The following TNS3 variants were observed in gnomAD, a reference collection of about 807,000 sequenced individuals.
The protein encoded by TNS3 is tensin 3, also known as tensin-3.
Under a neutral mutation model 140.9 loss-of-function variants are expected in TNS3, and 45 were observed. The ratio of observed to expected loss-of-function variants is 0.32; its 90% CI spans 0.25 to 0.41. The LOEUF (loss-of-function observed/expected upper bound fraction) is 0.41. Ranked by LOEUF, TNS3 falls within the 10% of genes least tolerant of loss-of-function variation. The probability of loss-of-function intolerance (pLI) is 1.00; values close to 1 mark genes in which losing one functional copy is unlikely to be tolerated. For synonymous variants in TNS3, 815 were observed against 788.4 expected (o/e 1.03, Z -0.56); for missense variants, 1,716 against 1,906.7 (o/e 0.90, Z 1.86).
At chr7:47,568,313 G>C (rs1171550157) in intron 1 of TNS3, among the ~76,000 whole-genome samples, 1 of 152,114 alleles carries the variant, frequency 6.6e-6, no homozygotes, top group African/African-American at 2.4e-5. Context: ...GAAGAACTGG[G>C]GGCTCCAGAG....
At chr7:47,445,659 C>T (rs908560153) in intron 4 of TNS3, among the ~76,000 whole-genome samples, 4 of 152,142 alleles carry the variant, frequency 2.6e-5, no homozygotes, top group Non-Finnish European at 5.9e-5. Context: ...ACTAAAATCC[C>T]CCTGAATCAT....
chr7:47,450,259 C>T (rs556066508), intron 4 of TNS3, among the ~76,000 whole-genome samples: 62 of 152,298 alleles, frequency 4.1e-4, no homozygotes, highest in African/African-American at 1.5e-3. Flanking sequence ...ACAGGCTTAT[C>T]TAAAAGAAGA....
chr7:47,281,043 C>T (rs1463414289), intron 28 of TNS3, among the ~76,000 whole-genome samples: 3 of 152,194 alleles, frequency 2.0e-5, no homozygotes, highest in East Asian at 1.9e-4. Flanking sequence ...CTCCAGGCTC[C>T]GAGCCTTGGT....
chr7:47,411,828 C>T, intron 12 of TNS3, 26 bp from the exon 13 acceptor site: 1 of 1,604,706 alleles, frequency 6.2e-7, no homozygotes, highest in East Asian at 2.2e-5. Context: ...GAAGGTAGAT[C>T]ATTATGCAAC....
chr7:47,340,320 A>C (rs943249573), intron 20 of TNS3, among the ~76,000 whole-genome samples: 1 of 150,294 alleles, frequency 6.7e-6, no homozygotes, highest in African/African-American at 2.4e-5. Flanking sequence ...ACAGAGTTTC[A>C]CCATGTTGGC....
intron 27 of TNS3, 34 bp from the exon 28 acceptor site, chr7:47,283,899 C>CA: frequency 6.5e-7 from 1 of 1,534,930 alleles, no homozygotes; most frequent in Non-Finnish European, 8.8e-7. Context: ...ATGTTAGTTG[C>CA]AACTATTGGG....
intron 2 of TNS3, 58 bp downstream of exon 2, chr7:47,528,978 G>C (rs1358834308): frequency 1.8e-6 from 2 of 1,097,548 alleles, no homozygotes; most frequent in African/African-American, 1.7e-5. Context: ...TTTTCGTTTT[G>C]TTTCTTGTTT....
At position 47,348,850 on chromosome 7, in the gene TNS3, A is replaced by G. The variant is rs558424757; in HGVS notation, c.2282-2494T>C. Among the ~76,000 whole-genome samples, 17 of 152,362 alleles carry G rather than the reference A, an allele frequency of 1.1e-4. No homozygotes were observed. In the South Asian group the frequency reaches 3.3e-3, roughly 30 times the overall value. ...CTGACAACAGCCAGCACAGCCTTGC[A>G]GCTGCACTCGAAGGCACAACCAGGT... On this transcript the variant is annotated intron_variant, in intron 17 of 30. Coordinates refer to ENST00000311160, the MANE Select transcript of TNS3 (RefSeq NM_022748.12).
intron 16 of TNS3, among the ~76,000 whole-genome samples, chr7:47,372,817 G>C (rs1302232337): frequency 6.6e-6 from 1 of 152,192 alleles, no homozygotes; most frequent in Non-Finnish European, 1.5e-5. Context: ...CTGGACTCTT[G>C]CTAAACTTCC....
At chr7:47,471,747 C>G (rs890913574) in intron 4 of TNS3, among the ~76,000 whole-genome samples, 2 of 152,222 alleles carry the variant, frequency 1.3e-5, no homozygotes, top group African/African-American at 4.8e-5. Flanking sequence ...ACCTCCCCCT[C>G]GGGTGTCCAC....
At position 47,293,740 on chromosome 7, in the gene TNS3, T is replaced by C. The variant is rs767587224; in HGVS notation, c.3765A>G (p.Pro1255=). 29 of 1,614,104 alleles carry C rather than the reference T, an allele frequency of 1.8e-5. No homozygotes were observed. In the South Asian group the frequency reaches 2.7e-4, roughly 15 times the overall value. Residue 1255 remains proline (P), a synonymous_variant, in exon 25 of 31, where the codon CCA becomes CCG. Transcript: ENST00000311160. ...GVRLKGCSNE[P]YFGSLTALVC... is the part of the protein sequence containing the mutation. Reference sequence around the variant, plus strand: ...ACCTCTCAAGCAACTCACCGAAATATGGTTCATTCGAGCACCCTTTCAACC... The same window carrying C: ...ACCTCTCAAGCAACTCACCGAAATACGGTTCATTCGAGCACCCTTTCAACC...
chr7:47,440,341 A>G (rs1795404118), intron 5 of TNS3, among the ~76,000 whole-genome samples: 1 of 152,098 alleles, frequency 6.6e-6, no homozygotes, highest in African/African-American at 2.4e-5. Flanking sequence ...TCCTATCAGA[A>G]GGCTAAGAGC....
At chr7:47,571,037 C>A (rs10951907) in intron 1 of TNS3, among the ~76,000 whole-genome samples, 149,315 of 152,192 alleles carry the variant, frequency 0.98, 73,303 homozygotes, top group East Asian at 1. Context: ...CTGGGAAGGA[C>A]TCAGGAGGCC....
intron 1 of TNS3, among the ~76,000 whole-genome samples, chr7:47,537,468 A>G (rs2151957974): frequency 6.6e-6 from 1 of 152,138 alleles, no homozygotes; most frequent in South Asian, 2.1e-4. Flanking sequence ...GAGCCGCCAA[A>G]CACTGGGAAA....
At chr7:47,449,526 C>A (rs1014874836) in intron 4 of TNS3, among the ~76,000 whole-genome samples, 1 of 152,152 alleles carries the variant, frequency 6.6e-6, no homozygotes, top group South Asian at 2.1e-4. Flanking sequence ...GCTCAGATGG[C>A]AACTTCCAGC....
intron 20 of TNS3, among the ~76,000 whole-genome samples, chr7:47,322,817 G>A (rs937039248): frequency 2.6e-5 from 4 of 152,140 alleles, no homozygotes; most frequent in Admixed American, 2.0e-4. Context: ...GCCCTCAAGA[G>A]CAGCCTGCCT....
At chr7:47,518,438 G>C (rs949532921) in intron 2 of TNS3, among the ~76,000 whole-genome samples, 1 of 152,124 alleles carries the variant, frequency 6.6e-6, no homozygotes. Flanking sequence ...CACACTTCAA[G>C]ACAACAGCCC....
At chr7:47,389,060 GAAGAAGAAGAAGAA>G (rs1792292460) in intron 16 of TNS3, among the ~76,000 whole-genome samples, 3 of 72,350 alleles carry the variant, frequency 4.1e-5, no homozygotes, top group South Asian at 7.1e-4. Context: ...AGAAGAAGAA[GAAGAAGAAGAAGAA>G]GAAGAAGAAG....
At chr7:47,345,925 G>A (rs112931891) in intron 18 of TNS3, among the ~76,000 whole-genome samples, 2,300 of 152,330 alleles carry the variant, frequency 0.015, 27 homozygotes, top group Non-Finnish European at 0.021. Flanking sequence ...TGCCCTGAGT[G>A]AGGTGGCCTC....
Sources: allele counts gnomAD v4.1 joint callset (sites outside exome capture counted in the v4.1 genomes callset), GRCh38; gene constraint gnomAD v4.1.1; transcripts MANE v1.5; gene names NCBI Gene and HGNC (gene_info 2026-07-23, HGNC 2026-07-21).